Variants in TSHZ1 observed in about 807,000 individuals in gnomAD.
TSHZ1 encodes teashirt homolog 1.
Under a neutral mutation model 67.1 loss-of-function variants are expected in TSHZ1, and 12 were observed. The ratio of observed to expected loss-of-function variants is 0.18; its 90% CI spans 0.11 to 0.29. The LOEUF is 0.29. Among genes scored for constraint, TSHZ1 ranks in the 10% least tolerant of loss-of-function variants. The pLI is 1.00. For synonymous variants in TSHZ1, 632 were observed against 622.4 expected (o/e 1.02, Z -0.23); for missense variants, 1,305 against 1,413.9 (o/e 0.92, Z 1.23).
intron 1 of TSHZ1, among the ~76,000 whole-genome samples, chr18:75,237,098 C>T (rs1484164472): frequency 6.6e-6 from 1 of 152,186 alleles, no homozygotes; most frequent in Non-Finnish European, 1.5e-5. Flanking sequence ...GCCTCAGTTT[C>T]TTCAGACGTG....
intron 1 of TSHZ1, among the ~76,000 whole-genome samples, chr18:75,255,389 A>C (rs570881615): frequency 2.6e-5 from 4 of 152,220 alleles, no homozygotes; most frequent in African/African-American, 9.7e-5. Context: ...GGGTACATTT[A>C]TCTCAATAGG....
rs1319001409 is a variant in TSHZ1 at position 75,281,280 on chromosome 18, T to G, written c.41-4168T>G. Among the ~76,000 whole-genome samples the G allele has an allele frequency of 1.3e-5, 2 of 152,178 alleles. No homozygotes were observed. The highest frequency in any genetic ancestry group is 4.8e-5 in the African/African-American group (2 of 41,418). On this transcript the variant is annotated intron_variant, in intron 1 of 1. Coordinates refer to ENST00000580243, the MANE Select transcript of TSHZ1 (RefSeq NM_001308210.2). This position sits in a 1 kb window ranked among gnomAD's most constrained non-coding sequence, Gnocchi z 5.3. ...GGAGGCTTTGAGGATGGCGCTGCTTTTCTGCCTCGGATACTCTCGTTTGGG... is the reference window on the plus strand; with the variant it reads ...GGAGGCTTTGAGGATGGCGCTGCTTGTCTGCCTCGGATACTCTCGTTTGGG...
chr18:75,249,831 A>C (rs1204845151), intron 1 of TSHZ1, among the ~76,000 whole-genome samples: 12 of 110,258 alleles, frequency 1.1e-4, no homozygotes, highest in African/African-American at 2.2e-4. Flanking sequence ...TCCTCACCTC[A>C]CCCCTGTAGT....
intron 1 of TSHZ1, among the ~76,000 whole-genome samples, chr18:75,247,145 G>C (rs141571557): frequency 0.013 from 1,950 of 152,312 alleles, 17 homozygotes; most frequent in South Asian, 0.022. Flanking sequence ...AGTGCCCTAG[G>C]CTGTAGTTTC....
chr18:75,219,788 A>G (rs2022821819), intron 1 of TSHZ1, among the ~76,000 whole-genome samples: 1 of 152,266 alleles, frequency 6.6e-6, no homozygotes, highest in African/African-American at 2.4e-5. Context: ...CATTCTTTGC[A>G]CACGTGACAC....
intron 1 of TSHZ1, among the ~76,000 whole-genome samples, chr18:75,248,990 G>A (rs2023259012): frequency 1.3e-5 from 2 of 152,192 alleles, no homozygotes; most frequent in Non-Finnish European, 2.9e-5. Context: ...GCTTCCTAAC[G>A]CGGGGCCTGA....
chr18:75,246,387 G>T (rs1347076468), intron 1 of TSHZ1, among the ~76,000 whole-genome samples: 1 of 92,466 alleles, frequency 1.1e-5, no homozygotes, highest in Non-Finnish European at 2.4e-5. Flanking sequence ...CCTCTGATGG[G>T]GTGTTTTTGG....
chr18:75,276,458 C>T (rs2023614585), intron 1 of TSHZ1, among the ~76,000 whole-genome samples: 1 of 152,122 alleles, frequency 6.6e-6, no homozygotes, highest in Non-Finnish European at 1.5e-5. Flanking sequence ...TGGGTCTGCT[C>T]TCTGTGCATT....
Position 75,258,276 on chromosome 18 carries a change from G to A in TSHZ1, c.41-27172G>A, listed in dbSNP as rs148522365. On this transcript the variant is annotated intron_variant, in intron 1 of 1. Coordinates refer to ENST00000580243, the MANE Select transcript of TSHZ1 (RefSeq NM_001308210.2). Reference sequence around the variant, plus strand: ...CTCTGCAAGTGCCGCACCCCCAAGCGACATTTATTTTGTACTGAAATAACA... The same window carrying A: ...CTCTGCAAGTGCCGCACCCCCAAGCAACATTTATTTTGTACTGAAATAACA... Among the ~76,000 whole-genome samples, 657 of 152,282 alleles carry A rather than the reference G, an allele frequency of 4.3e-3. 3 individuals carry two copies. Among genetic ancestry groups the A allele is most frequent in the African/African-American group, 0.015 (624 of 41,558 alleles).
intron 1 of TSHZ1, among the ~76,000 whole-genome samples, chr18:75,216,914 T>A (rs2022776385): frequency 6.6e-6 from 1 of 152,088 alleles, no homozygotes. Context: ...CCTGTGCATT[T>A]TCACTCCAGC....
chr18:75,264,849 A>G (rs750809928), intron 1 of TSHZ1, among the ~76,000 whole-genome samples: 3 of 152,222 alleles, frequency 2.0e-5, no homozygotes, highest in Admixed American at 6.5e-5. Flanking sequence ...AAACATTTCT[A>G]GTTATGAATT....
chr18:75,212,230 G>A (rs1257563185), intron 1 of TSHZ1, among the ~76,000 whole-genome samples: 3 of 152,206 alleles, frequency 2.0e-5, no homozygotes, highest in African/African-American at 7.2e-5. Flanking sequence ...GGCGTGCGCT[G>A]AGGGGAAGTA....
chr18:75,211,995 G>A lies in TSHZ1; in HGVS notation c.40+79G>A, dbSNP rs1423450713. ...GAGGGGGCTTCGCGGGCCGAGGTGC[G>A]GGACGTGGGCCGCGGGCCGCCCCAA... On this transcript the variant is annotated intron_variant, in intron 1 of 1. Coordinates refer to ENST00000580243, the MANE Select transcript of TSHZ1 (RefSeq NM_001308210.2). 2.7e-6 allele frequency: 3 copies of A among 1,108,926 alleles called. No homozygotes were observed. The East Asian group carries it at 1.1e-4, about 40-fold the overall frequency. 68.7% of individuals were successfully genotyped at this position (1,108,926 alleles called of 1,614,324 possible).
At position 75,229,898 on chromosome 18, in the gene TSHZ1, TA is replaced by T. The variant is rs370025738; in HGVS notation, c.40+17987del. Among the ~76,000 whole-genome samples the T allele has an allele frequency of 4.9e-3, 741 of 152,296 alleles. 8 individuals are homozygous for T. The highest frequency in any genetic ancestry group is 0.041 in the South Asian group (199 of 4,830). On this transcript the variant is annotated intron_variant, in intron 1 of 1. Coordinates refer to ENST00000580243, the MANE Select transcript of TSHZ1 (RefSeq NM_001308210.2). ...CCCATGCCTCCTTTTGAATGTTAAG[TA>T]AAAACAGGAAAATACCATCTGGAAA...
intron 1 of TSHZ1, among the ~76,000 whole-genome samples, chr18:75,261,660 C>A (rs974020594): frequency 6.6e-6 from 1 of 152,226 alleles, no homozygotes; most frequent in African/African-American, 2.4e-5. Flanking sequence ...TTCATAGTTA[C>A]ATAGTGTATT....
At chr18:75,277,045 C>T (rs555717205) in intron 1 of TSHZ1, among the ~76,000 whole-genome samples, 1 of 152,246 alleles carries the variant, frequency 6.6e-6, no homozygotes, top group Admixed American at 6.5e-5. Flanking sequence ...CCCCACCTCT[C>T]TCTTCCTTCC....
At position 75,211,930 on chromosome 18, in the gene TSHZ1, G is replaced by C; in HGVS notation, c.40+14G>C. 1.7e-6 allele frequency: 2 copies of C among 1,202,390 alleles called. No homozygotes were observed. Among genetic ancestry groups the C allele is most frequent in the Non-Finnish European group, 2.1e-6 (2 of 969,182 alleles). 74.5% of individuals were successfully genotyped at this position (1,202,390 alleles called of 1,614,324 possible). The stretch of plus-strand genomic sequence containing the variant: ...GGCGCTCGGCAGGTAACGGGCGCGC[G>C]GCCCGCGCCGCGGGGAGTGGGCGCC... On this transcript the variant is annotated intron_variant, in intron 1 of 1. Coordinates refer to ENST00000580243, the MANE Select transcript of TSHZ1 (RefSeq NM_001308210.2).
At chr18:75,285,263 C>G (rs981256705) in intron 1 of TSHZ1, 185 bp from the exon 2 acceptor site, 4 of 553,264 alleles carry the variant, frequency 7.2e-6, no homozygotes, top group Non-Finnish European at 1.2e-5. Flanking sequence ...AAGACACACT[C>G]AGGAGGGGAC....
chr18:75,240,960 GT>G (rs948734086), intron 1 of TSHZ1, among the ~76,000 whole-genome samples: 2 of 152,196 alleles, frequency 1.3e-5, no homozygotes, highest in Non-Finnish European at 2.9e-5. Context: ...ACGTGGTTTG[GT>G]GTAGGAAGAT....
Sources: allele counts gnomAD v4.1 joint callset (sites outside exome capture counted in the v4.1 genomes callset), GRCh38; gene constraint gnomAD v4.1.1; non-coding constraint Gnocchi (gnomAD v3.1); transcripts MANE v1.5; gene names NCBI Gene and HGNC (gene_info 2026-07-23, HGNC 2026-07-21).